The following SSPN variants were observed in gnomAD, a reference collection of about 807,000 sequenced individuals.
The protein encoded by SSPN is sarcospan, also known as K-ras oncogene-associated protein.
Under a neutral mutation model 19.1 loss-of-function variants are expected in SSPN, and 15 were observed. That is an observed-to-expected ratio of 0.78 (90% CI 0.52 to 1.21). The LOEUF (loss-of-function observed/expected upper bound fraction) is 1.21. SSPN is among the 50% of genes most tolerant of loss of function. The pLI is 0.00. For synonymous variants in SSPN, 147 were observed against 140.3 expected (o/e 1.05, Z -0.34); for missense variants, 291 against 314.0 (o/e 0.93, Z 0.55).
At chr12:26,220,898 C>G (rs1331454226) in intron 1 of SSPN, among the ~76,000 whole-genome samples, 1 of 152,208 alleles carries the variant, frequency 6.6e-6, no homozygotes, top group Non-Finnish European at 1.5e-5. Context: ...ATCCCTACCT[C>G]TACCTGAGCT....
At chr12:26,172,634 T>C (rs551226421) in intron 1 of SSPN, among the ~76,000 whole-genome samples, 2 of 152,370 alleles carry the variant, frequency 1.3e-5, no homozygotes, top group Admixed American at 1.3e-4. Context: ...TTCTTCTCTA[T>C]TGGCTCTACG....
intron 1 of SSPN, among the ~76,000 whole-genome samples, chr12:26,128,223 C>T (rs959129336): frequency 2.0e-5 from 3 of 152,040 alleles, no homozygotes; most frequent in African/African-American, 7.3e-5. Context: ...TAAGTGTGCA[C>T]ATTTGTGTGT....
intron 1 of SSPN, among the ~76,000 whole-genome samples, chr12:26,215,174 T>C (rs1239481155): frequency 6.6e-6 from 1 of 152,202 alleles, no homozygotes. Flanking sequence ...AGCTAAATTC[T>C]GTTGGAGAGT....
chr12:26,128,143 A>G (rs1483344508), intron 1 of SSPN, among the ~76,000 whole-genome samples: 1 of 152,196 alleles, frequency 6.6e-6, no homozygotes, highest in African/African-American at 2.4e-5. Context: ...TTACACCTCA[A>G]TGTGAATAGT....
chr12:26,158,530 C>G (rs1944569083), intron 1 of SSPN, among the ~76,000 whole-genome samples: 2 of 152,244 alleles, frequency 1.3e-5, no homozygotes, highest in East Asian at 1.9e-4. Context: ...GTGACGGGAA[C>G]TCCTACCACC....
rs1945230680 is a variant in SSPN, at chr12:26,231,346, T to G, written c.*270T>G. 1 of 375,690 alleles carries G rather than the reference T, an allele frequency of 2.7e-6. No homozygotes were observed. The highest frequency in any genetic ancestry group is 2.1e-5 in the African/African-American group (1 of 47,656). 23.3% of individuals were successfully genotyped at this position (375,690 alleles called of 1,614,324 possible). A position where few individuals can be genotyped will look rare whatever the true frequency, so the allele number is the denominator to read the frequency against. ...CTGAACAAGGAAAGAATGGCATAGATCTATCTTTACAGTCTGGAGTTAATT... is the reference window on the plus strand; with the variant it reads ...CTGAACAAGGAAAGAATGGCATAGAGCTATCTTTACAGTCTGGAGTTAATT... On this transcript the variant is annotated 3_prime_UTR_variant, in exon 3 of 3. Coordinates refer to ENST00000242729, the MANE Select transcript of SSPN (RefSeq NM_005086.5).
At chr12:26,159,765 G>GA (rs1352810515) in intron 1 of SSPN, among the ~76,000 whole-genome samples, 4 of 151,766 alleles carry the variant, frequency 2.6e-5, no homozygotes, top group South Asian at 2.1e-4. Flanking sequence ...TTGGCTGAAT[G>GA]AAAAAAAATA....
chr12:26,223,864 G>T (rs548203286), intron 1 of SSPN, among the ~76,000 whole-genome samples: 1 of 152,154 alleles, frequency 6.6e-6, no homozygotes, highest in Non-Finnish European at 1.5e-5. Context: ...AATCCGTGTC[G>T]TAATGGAAGC....
At chr12:26,185,619 T>G (rs867070984) in intron 1 of SSPN, among the ~76,000 whole-genome samples, 12 of 152,106 alleles carry the variant, frequency 7.9e-5, no homozygotes, top group Middle Eastern at 3.4e-3. Flanking sequence ...AAAGTTGAGG[T>G]CAGTCTGAGA....
intron 1 of SSPN, among the ~76,000 whole-genome samples, chr12:26,196,417 T>G (rs1335705824): frequency 6.6e-6 from 1 of 152,220 alleles, no homozygotes; most frequent in Non-Finnish European, 1.5e-5. Context: ...GCATTCATTT[T>G]ATGTTTTAAA....
intron 1 of SSPN, among the ~76,000 whole-genome samples, chr12:26,202,455 G>T (rs1944894593): frequency 1.3e-5 from 2 of 152,212 alleles, no homozygotes; most frequent in Non-Finnish European, 2.9e-5. Context: ...AAAATGGCAG[G>T]ACTCAGGAAG....
chr12:26,171,029 A>G (rs138782041), intron 1 of SSPN, among the ~76,000 whole-genome samples: 4 of 152,226 alleles, frequency 2.6e-5, no homozygotes, highest in Non-Finnish European at 5.9e-5. Flanking sequence ...GTCAAAAATC[A>G]TATAGTTAGT....
intron 1 of SSPN, among the ~76,000 whole-genome samples, chr12:26,185,801 G>A (rs576620461): frequency 1.3e-4 from 20 of 152,292 alleles, no homozygotes; most frequent in African/African-American, 4.6e-4. Context: ...GTAGTAGAGC[G>A]ACTTTGCCCT....
At chr12:26,141,444 T>C (rs561021289) in intron 1 of SSPN, among the ~76,000 whole-genome samples, 29 of 152,230 alleles carry the variant, frequency 1.9e-4, no homozygotes, top group Non-Finnish European at 3.7e-4. Context: ...AACTCTCAGA[T>C]AATAAATTTG....
At chr12:26,129,856 A>T (rs1026135052) in intron 1 of SSPN, among the ~76,000 whole-genome samples, 2 of 152,192 alleles carry the variant, frequency 1.3e-5, no homozygotes, top group East Asian at 3.8e-4. Flanking sequence ...TTGTATTTTC[A>T]TATTTATGTG....
intron 1 of SSPN, among the ~76,000 whole-genome samples, chr12:26,175,876 AC>A (rs1944680878): frequency 6.6e-6 from 1 of 150,914 alleles, no homozygotes; most frequent in Non-Finnish European, 1.5e-5. Context: ...TTGCTCTGTC[AC>A]CCAGGCTGGA....
Position 26,232,057 on chromosome 12 carries a change from A to G in SSPN, c.*981A>G. 1 of 985,428 alleles carries G rather than the reference A, an allele frequency of 1.0e-6. No homozygotes were observed. The highest frequency in any genetic ancestry group is 1.2e-6 in the Non-Finnish European group (1 of 829,924). 61.0% of individuals were successfully genotyped at this position (985,428 alleles called of 1,614,324 possible). On this transcript the variant is annotated 3_prime_UTR_variant, in exon 3 of 3. Coordinates refer to ENST00000242729, the MANE Select transcript of SSPN (RefSeq NM_005086.5). ...GGTTAAAAACACCCATTTAAACAAAAACAAGAGCATTTGTAATAGGAAGTG... is the reference window on the plus strand; with the variant it reads ...GGTTAAAAACACCCATTTAAACAAAGACAAGAGCATTTGTAATAGGAAGTG...
intron 1 of SSPN, among the ~76,000 whole-genome samples, chr12:26,162,356 G>A (rs1944594659): frequency 6.6e-6 from 1 of 152,222 alleles, no homozygotes; most frequent in South Asian, 2.1e-4. Context: ...TTAGGTCAAT[G>A]AAGTTCCAAA....
intron 1 of SSPN, among the ~76,000 whole-genome samples, chr12:26,165,565 G>A (rs866807068): frequency 3.9e-5 from 6 of 152,346 alleles, no homozygotes; most frequent in African/African-American, 1.4e-4. Flanking sequence ...GCCTCACACA[G>A]TGGCATGCAA....
Sources: allele counts gnomAD v4.1 joint callset (sites outside exome capture counted in the v4.1 genomes callset), GRCh38; gene constraint gnomAD v4.1.1; transcripts MANE v1.5; gene names NCBI Gene and HGNC (gene_info 2026-07-23, HGNC 2026-07-21).